Variants in STK31 observed in about 807,000 individuals in gnomAD.
STK31 encodes the protein serine/threonine-protein kinase 31.
A neutral mutation model predicts 129.7 loss-of-function variants in STK31; 89 were observed. The observed-to-expected ratio is 0.69, with a 90% CI of 0.58 to 0.82. STK31 has a LOEUF of 0.82. Ranked by LOEUF, STK31 falls within the 40% of genes least tolerant of loss-of-function variation. STK31 has a pLI of 0.00. For synonymous variants in STK31, 448 were observed against 395.3 expected, an observed-to-expected ratio of 1.13 and a Z score of -1.58; for missense variants, 1,187 against 1,176.4, an observed-to-expected ratio of 1.01 and a Z score of -0.13.
chr7:23,751,788 T>C (rs1788726255), intron 8 of STK31, among the ~76,000 whole-genome samples: 1 of 152,240 alleles, frequency 6.6e-6, no homozygotes, highest in Non-Finnish European at 1.5e-5. Context: ...TTTGATGAAT[T>C]GACCCATTTA....
chr7:23,711,455 CTG>C (rs1785961106), intron 1 of STK31, among the ~76,000 whole-genome samples: 1 of 150,486 alleles, frequency 6.6e-6, no homozygotes, highest in Admixed American at 6.6e-5. Flanking sequence ...CATAAAAAAT[CTG>C]TGTTTTAATT....
intron 12 of STK31, among the ~76,000 whole-genome samples, 196 bp from the exon 13 acceptor site, chr7:23,769,444 C>A (rs191437491): frequency 3.6e-4 from 55 of 152,130 alleles, no homozygotes; most frequent in Admixed American, 2.9e-3. Context: ...TATTTATTTT[C>A]TTACAGTATG....
At chr7:23,798,226 G>A (rs10215115) in intron 22 of STK31, among the ~76,000 whole-genome samples, 64,142 of 152,044 alleles carry the variant, frequency 0.42, 13,871 homozygotes, top group Admixed American at 0.52. Context: ...TAGAAAAAGA[G>A]GGAATCCTCC....
At chr7:23,723,641 C>G (rs1349538381) in intron 4 of STK31, among the ~76,000 whole-genome samples, 1 of 152,178 alleles carries the variant, frequency 6.6e-6, no homozygotes, top group Non-Finnish European at 1.5e-5. Context: ...AAATGGTTCT[C>G]TCCCTCTGCC....
chr7:23,805,511 G>A (rs1244014579), intron 22 of STK31, among the ~76,000 whole-genome samples: 2 of 152,052 alleles, frequency 1.3e-5, no homozygotes, highest in African/African-American at 4.8e-5. Flanking sequence ...TGGAGATGGA[G>A]TTTTGCTCTG....
chr7:23,799,444 ATC>A (rs1435978298), intron 22 of STK31, among the ~76,000 whole-genome samples: 1 of 152,184 alleles, frequency 6.6e-6, no homozygotes, highest in Non-Finnish European at 1.5e-5. Flanking sequence ...CCTCAGAAGT[ATC>A]TACAACCATC....
chr7:23,753,842 G>A (rs905452656), intron 9 of STK31, among the ~76,000 whole-genome samples: 2 of 152,086 alleles, frequency 1.3e-5, no homozygotes, highest in African/African-American at 4.8e-5. Flanking sequence ...TTATTTGGAA[G>A]TGCTGTTTTT....
Position 23,815,208 on chromosome 7 carries a change from A to G in STK31, c.2825A>G (p.His942Arg). The G allele has an allele frequency of 6.4e-7, 1 of 1,567,012 alleles. No homozygotes were observed. Among genetic ancestry groups the G allele is most frequent in the Non-Finnish European group, 8.6e-7 (1 of 1,157,382 alleles). Residue 942 changes from histidine to arginine, a missense_variant, in exon 23 of 24, where the codon CAT becomes CGT. By Grantham distance (29) the His-to-Arg change is conservative. Coordinates refer to ENST00000355870, the MANE Select transcript of STK31 (RefSeq NM_031414.5). ...KDGIPKVDQFHLDDKVKSLLC... is the reference protein window; with the variant it reads ...KDGIPKVDQFRLDDKVKSLLC... ...GGAATCCCCAAAGTGGATCAGTTTC[A>G]TCTGGTATGTGACCTTTTTGACATT...
intron 21 of STK31, among the ~76,000 whole-genome samples, chr7:23,788,791 T>A (rs931858392): frequency 6.6e-6 from 1 of 152,184 alleles, no homozygotes; most frequent in Non-Finnish European, 1.5e-5. Context: ...AAATCAGTAA[T>A]TATTTTTCTA....
At chr7:23,786,949 C>A (rs748497116) in intron 20 of STK31, 25 bp downstream of exon 20, 6 of 1,588,480 alleles carry the variant, frequency 3.8e-6, no homozygotes, top group Middle Eastern at 1.7e-4. Flanking sequence ...CTATTTATTT[C>A]CATGGATGTA....
At chr7:23,727,408 C>T (rs1028156867) in intron 5 of STK31, 93 bp downstream of exon 5, 70 of 1,002,238 alleles carry the variant, frequency 7.0e-5, no homozygotes, top group African/African-American at 4.9e-4. Context: ...ATTGCTTATT[C>T]GTAGTACTGA....
intron 10 of STK31, among the ~76,000 whole-genome samples, chr7:23,760,962 G>A (rs1341322564): frequency 6.6e-6 from 1 of 152,062 alleles, no homozygotes. Flanking sequence ...TACCATGCCC[G>A]TACCCTAGTT....
chr7:23,767,914 C>G (rs1789932670), intron 11 of STK31, among the ~76,000 whole-genome samples: 1 of 152,084 alleles, frequency 6.6e-6, no homozygotes, highest in South Asian at 2.1e-4. Context: ...ATCTCTTAAG[C>G]TTTTTTTCTT....
intron 3 of STK31, among the ~76,000 whole-genome samples, chr7:23,716,769 T>C (rs1383487992): frequency 6.6e-6 from 1 of 151,006 alleles, no homozygotes; most frequent in Non-Finnish European, 1.5e-5. Context: ...TACTTGTCCT[T>C]AAACGTCTCC....
At chr7:23,732,943 T>C (rs1217887794) in intron 6 of STK31, among the ~76,000 whole-genome samples, 1 of 152,202 alleles carries the variant, frequency 6.6e-6, no homozygotes, top group Non-Finnish European at 1.5e-5. Context: ...AATCCTAACA[T>C]ATATTTCAGT....
At chr7:23,814,746 G>GT (rs59089517) in intron 22 of STK31, among the ~76,000 whole-genome samples, 5,639 of 151,366 alleles carry the variant, frequency 0.037, 348 homozygotes, top group African/African-American at 0.13. Context: ...GATTTCTGAA[G>GT]TTTTTTTTTA....
intron 15 of STK31, among the ~76,000 whole-genome samples, chr7:23,774,017 T>G (rs1468564830): frequency 1.3e-5 from 2 of 151,254 alleles, no homozygotes; most frequent in Non-Finnish European, 2.9e-5. Context: ...CACCTATGAG[T>G]GAGAACATGT....
chr7:23,727,168 A>G, intron 4 of STK31, 73 bp from the exon 5 acceptor site: 1 of 1,239,906 alleles, frequency 8.1e-7, no homozygotes, highest in Non-Finnish European at 1.2e-6. Context: ...AAGAGCTTAA[A>G]TGCTAACCTT....
At chr7:23,827,265 G>T (rs1393206778) in intron 23 of STK31, among the ~76,000 whole-genome samples, 19 of 152,284 alleles carry the variant, frequency 1.2e-4, no homozygotes, top group South Asian at 4.1e-4. Flanking sequence ...TTTTCACGTA[G>T]TCCCATATTT....
Sources: allele counts gnomAD v4.1 joint callset (sites outside exome capture counted in the v4.1 genomes callset), GRCh38; gene constraint gnomAD v4.1.1; transcripts MANE v1.5; gene names NCBI Gene and HGNC (gene_info 2026-07-23, HGNC 2026-07-21).